Variants in HMGCLL1 observed in about 807,000 individuals in gnomAD.
HMGCLL1 encodes the protein 3-hydroxy-3-methylglutaryl-CoA lyase like 1.
In HMGCLL1, 36 loss-of-function variants were observed where a neutral mutation model predicts 39.1. The ratio of observed to expected loss-of-function variants is 0.92; its 90% CI spans 0.71 to 1.22. The LOEUF (loss-of-function observed/expected upper bound fraction) is 1.22. Ranked by LOEUF, HMGCLL1 falls within the 50% of genes most tolerant of loss-of-function variation. HMGCLL1 has a pLI of 0.00. For synonymous variants in HMGCLL1, 149 were observed against 144.0 expected (o/e 1.03, Z -0.25); for missense variants, 451 against 416.5 (o/e 1.08, Z -0.72).
the HMGCLL1 span, among the ~76,000 whole-genome samples, chr6:55,639,735 G>T: frequency 6.6e-6 from 1 of 151,872 alleles, no homozygotes; most frequent in African/African-American, 2.4e-5. Context: ...CATAAACTAG[G>T]GAAAAGAAGG....
chr6:55,639,524 G>C, the HMGCLL1 span, among the ~76,000 whole-genome samples: 2 of 151,672 alleles, frequency 1.3e-5, no homozygotes, highest in Admixed American at 6.6e-5. Context: ...TTTGTTTATT[G>C]ATAAGGAAAT....
the HMGCLL1 span, among the ~76,000 whole-genome samples, chr6:55,608,220 G>A: frequency 1.3e-5 from 2 of 152,148 alleles, no homozygotes; most frequent in African/African-American, 4.8e-5. Context: ...AAAGTCTCAT[G>A]ATGTGTCCTT....
chr6:55,502,123 T>G (rs1766922149), intron 5 of HMGCLL1, among the ~76,000 whole-genome samples: 1 of 151,856 alleles, frequency 6.6e-6, no homozygotes, highest in South Asian at 2.1e-4. Flanking sequence ...TGTCAGCAAA[T>G]GGTTTCATTT....
chr6:55,502,239 C>T (rs1051329708), intron 5 of HMGCLL1, among the ~76,000 whole-genome samples: 2 of 151,638 alleles, frequency 1.3e-5, no homozygotes, highest in Non-Finnish European at 3.0e-5. Context: ...TCAGTTATTG[C>T]TGATAGGAAT....
At chr6:55,586,657 T>C in the HMGCLL1 span, among the ~76,000 whole-genome samples, 46 of 151,956 alleles carry the variant, frequency 3.0e-4, no homozygotes, top group East Asian at 9.7e-4. Context: ...TGGTTTTTTG[T>C]CCTTGCGATA....
At chr6:55,511,733 G>T (rs1767474453) in intron 5 of HMGCLL1, among the ~76,000 whole-genome samples, 1 of 151,976 alleles carries the variant, frequency 6.6e-6, no homozygotes, top group South Asian at 2.1e-4. Context: ...AAATCAGATT[G>T]CCAGTAAAAA....
At chr6:55,459,379 T>C (rs1386614596) in intron 7 of HMGCLL1, among the ~76,000 whole-genome samples, 2 of 152,112 alleles carry the variant, frequency 1.3e-5, no homozygotes, top group African/African-American at 2.4e-5. Flanking sequence ...ACTGTTTAAA[T>C]TGAGGCAGGT....
At chr6:55,623,695 A>G in the HMGCLL1 span, among the ~76,000 whole-genome samples, 7 of 149,246 alleles carry the variant, frequency 4.7e-5, no homozygotes, top group South Asian at 4.2e-4. Flanking sequence ...ACATATATAC[A>G]TATACACATA....
rs763034639 is a variant in HMGCLL1, at chr6:55,499,330, C to A, written c.543-31G>T. ...TTAAAAATACAGCCTTATAAATATG[C>A]ATATGGTAAATAAGCCATTTCCATT... On this transcript the variant is annotated intron_variant, in intron 5 of 8. Coordinates refer to ENST00000274901, the MANE Select transcript of HMGCLL1 (RefSeq NM_001042406.2). 4.7e-5 allele frequency: 71 copies of A among 1,498,148 alleles called. No homozygotes were observed. In the East Asian group the frequency reaches 1.6e-3, roughly 34 times the overall value. The allele number at this position is 1,498,148 out of a possible 1,614,324, so 92.8% of individuals were successfully genotyped here.
At chr6:55,617,167 A>T in the HMGCLL1 span, among the ~76,000 whole-genome samples, 1 of 152,088 alleles carries the variant, frequency 6.6e-6, no homozygotes, top group African/African-American at 2.4e-5. Context: ...GTTTCTTAAT[A>T]GTTAAGGACT....
the HMGCLL1 span, among the ~76,000 whole-genome samples, chr6:55,675,188 G>A: frequency 6.6e-6 from 1 of 152,068 alleles, no homozygotes; most frequent in Non-Finnish European, 1.5e-5. Flanking sequence ...TGCACAGGAT[G>A]TGCTGAAAAT....
intron 7 of HMGCLL1, among the ~76,000 whole-genome samples, chr6:55,488,219 C>T (rs7756150): frequency 0.33 from 49,608 of 151,888 alleles, 8,521 homozygotes; most frequent in Non-Finnish European, 0.37. Context: ...GAAAAAGACA[C>T]AATTTTTATA....
At chr6:55,574,606 TA>T (rs1344502355) in intron 1 of HMGCLL1, among the ~76,000 whole-genome samples, 1 of 151,682 alleles carries the variant, frequency 6.6e-6, no homozygotes, top group Admixed American at 6.6e-5. Flanking sequence ...TGGAAAAGAA[TA>T]AAAAATGGTA....
At chr6:55,499,121 C>T in intron 6 of HMGCLL1, 115 bp downstream of exon 6, 1 of 721,306 alleles carries the variant, frequency 1.4e-6, no homozygotes, top group Non-Finnish European at 2.2e-6. Context: ...TCAGGGTTCG[C>T]CTCTTAATCC....
At chr6:55,477,740 C>A (rs1765533310) in intron 7 of HMGCLL1, among the ~76,000 whole-genome samples, 1 of 149,184 alleles carries the variant, frequency 6.7e-6, no homozygotes, top group South Asian at 2.1e-4. Flanking sequence ...TAATGTAAAG[C>A]CAAACTTGAA....
At chr6:55,579,283 A>T (rs1488769078), upstream of HMGCLL1, 2 of 585,512 alleles carry the variant, frequency 3.4e-6, no homozygotes, top group Non-Finnish European at 6.1e-6. Context: ...GCGGGAATCG[A>T]CAGAAATGCC....
At chr6:55,583,786 T>C (rs1772024419), upstream of HMGCLL1, among the ~76,000 whole-genome samples, 1 of 152,174 alleles carries the variant, frequency 6.6e-6, no homozygotes, top group African/African-American at 2.4e-5. Context: ...CACTGGGATA[T>C]CTAATGGATT....
At chr6:55,670,038 A>G in the HMGCLL1 span, among the ~76,000 whole-genome samples, 9 of 152,008 alleles carry the variant, frequency 5.9e-5, no homozygotes, top group East Asian at 1.7e-3. Flanking sequence ...ATTCACATTC[A>G]GATTCATCAT....
chr6:55,677,852 A>G, the HMGCLL1 span, among the ~76,000 whole-genome samples: 1 of 152,224 alleles, frequency 6.6e-6, no homozygotes, highest in African/African-American at 2.4e-5. Flanking sequence ...TTTATCCAAT[A>G]AAGTAACTAT....
Sources: gnomAD v4.1 joint callset for allele counts (sites outside exome capture counted in the v4.1 genomes callset) on GRCh38, gnomAD v4.1.1 for gene constraint, MANE v1.5 for transcripts, NCBI Gene and HGNC (gene_info 2026-07-23, HGNC 2026-07-21) for gene names.